The following PLEKHA5 variants were observed in gnomAD, a reference collection of about 807,000 sequenced individuals.
PLEKHA5 encodes pleckstrin homology domain containing A5, also known as pleckstrin homology domain-containing family A member 5.
A neutral mutation model predicts 181.9 loss-of-function variants in PLEKHA5; 55 were observed. That is an observed-to-expected ratio of 0.30 (90% CI 0.24 to 0.38). The LOEUF (loss-of-function observed/expected upper bound fraction) is 0.38, where lower values mean the gene tolerates loss of function less well. Among genes scored for constraint, PLEKHA5 ranks in the 10% least tolerant of loss-of-function variants. The pLI is 1.00. For synonymous variants in PLEKHA5, 535 were observed against 529.4 expected (o/e 1.01, Z -0.15); for missense variants, 1,432 against 1,549.5 (o/e 0.92, Z 1.27).
intron 3 of PLEKHA5, among the ~76,000 whole-genome samples, chr12:19,210,332 A>G (rs2056653532): frequency 1.3e-5 from 2 of 152,240 alleles, no homozygotes; most frequent in Admixed American, 6.5e-5. Flanking sequence ...TAAGTTCAAA[A>G]TCTACTTTGT....
At chr12:19,321,897 A>G (rs2090971699) in intron 18 of PLEKHA5, among the ~76,000 whole-genome samples, 1 of 152,256 alleles carries the variant, frequency 6.6e-6, no homozygotes, top group South Asian at 2.1e-4. Context: ...ATTTTATTAG[A>G]ATACTTTCTT....
chr12:19,155,410 G>A (rs910926565), intron 3 of PLEKHA5, among the ~76,000 whole-genome samples: 1 of 152,060 alleles, frequency 6.6e-6, no homozygotes, highest in Non-Finnish European at 1.5e-5. Context: ...ATTAAGTCCC[G>A]AAACCTTGTT....
intron 11 of PLEKHA5, among the ~76,000 whole-genome samples, chr12:19,280,357 A>G (rs2075783404): frequency 1.3e-5 from 2 of 152,040 alleles, no homozygotes; most frequent in South Asian, 4.1e-4. Flanking sequence ...TGTAACTATA[A>G]TATATCAGTA....
intron 3 of PLEKHA5, among the ~76,000 whole-genome samples, chr12:19,183,282 T>C (rs1199696065): frequency 1.3e-5 from 2 of 152,194 alleles, no homozygotes; most frequent in African/African-American, 4.8e-5. Context: ...ATCAGCTGAC[T>C]CTGGAAAGAG....
At chr12:19,199,259 A>T (rs190181023) in intron 3 of PLEKHA5, among the ~76,000 whole-genome samples, 27 of 152,322 alleles carry the variant, frequency 1.8e-4, no homozygotes, top group African/African-American at 6.5e-4. Context: ...GAATATTTAA[A>T]AATCAAAATA....
intron 3 of PLEKHA5, among the ~76,000 whole-genome samples, chr12:19,233,075 GATA>G (rs1210321952): frequency 6.7e-6 from 1 of 149,976 alleles, no homozygotes; most frequent in Non-Finnish European, 1.5e-5. Flanking sequence ...TTTAGCAGAA[GATA>G]ATGAGGATAT....
At chr12:19,324,506 A>G (rs1297763927) in intron 20 of PLEKHA5, among the ~76,000 whole-genome samples, 1 of 152,188 alleles carries the variant, frequency 6.6e-6, no homozygotes. Flanking sequence ...TAAATAATAT[A>G]CCTAAAACTC....
At chr12:19,341,990 C>G (rs546322604) in intron 21 of PLEKHA5, among the ~76,000 whole-genome samples, 9 of 152,134 alleles carry the variant, frequency 5.9e-5, no homozygotes, top group South Asian at 2.1e-4. Flanking sequence ...ACTTCAGCCT[C>G]CCAAAGTGCT....
intron 10 of PLEKHA5, among the ~76,000 whole-genome samples, chr12:19,271,354 A>T (rs947197944): frequency 6.6e-6 from 1 of 151,970 alleles, no homozygotes; most frequent in African/African-American, 2.4e-5. Context: ...AAAATACAAA[A>T]ATTAGCTGGG....
intron 3 of PLEKHA5, among the ~76,000 whole-genome samples, chr12:19,197,772 C>T (rs147835152): frequency 6.1e-5 from 9 of 148,430 alleles, no homozygotes; most frequent in East Asian, 4.1e-4. Flanking sequence ...CTTTTTACAC[C>T]GTATGCCAGT....
At chr12:19,309,906 A>C (rs2085813035) in intron 15 of PLEKHA5, among the ~76,000 whole-genome samples, 1 of 152,186 alleles carries the variant, frequency 6.6e-6, no homozygotes, top group Non-Finnish European at 1.5e-5. Context: ...GTGCAGTAAA[A>C]ACAAAAGTAG....
intron 3 of PLEKHA5, among the ~76,000 whole-genome samples, chr12:19,198,621 A>G (rs1378716388): frequency 1.3e-5 from 2 of 152,208 alleles, no homozygotes; most frequent in Non-Finnish European, 2.9e-5. Context: ...TGTCTGGTAC[A>G]TAGTTAATGC....
chr12:19,327,069 T>C (rs2092230563), intron 20 of PLEKHA5, among the ~76,000 whole-genome samples: 1 of 152,226 alleles, frequency 6.6e-6, no homozygotes. Context: ...TGCTTTCTTT[T>C]GGATATACTT....
In PLEKHA5 at chr12:19,290,813, T is replaced by G; in HGVS notation, c.1983+17T>G. The G allele has an allele frequency of 2.0e-6, 3 of 1,518,314 alleles. No individual in the cohort carries two copies. Among genetic ancestry groups the G allele is most frequent in the Middle Eastern group, 1.7e-4 (1 of 5,894 alleles). 94.1% of individuals were successfully genotyped at this position (1,518,314 alleles called of 1,614,324 possible). A position where few individuals can be genotyped will look rare whatever the true frequency, so the allele number is the denominator to read the frequency against. ...AGCCCAAAGGTCAGCTATGGAGAGA[T>G]TTGTCTGTGTCGTCTGCCATCATCT... On this transcript the variant is annotated intron_variant, in intron 14 of 31. Coordinates refer to ENST00000429027, the MANE Select transcript of PLEKHA5 (RefSeq NM_001256470.2).
intron 20 of PLEKHA5, among the ~76,000 whole-genome samples, chr12:19,334,281 TTGGGCCAGTTCAG>T (rs2093141023): frequency 6.6e-6 from 1 of 152,216 alleles, no homozygotes. Flanking sequence ...ATTACAGGAC[TTGGGCCAGTTCAG>T]TGGCAGGACT....
At chr12:19,166,483 C>A (rs1162270432) in intron 3 of PLEKHA5, among the ~76,000 whole-genome samples, 1 of 152,070 alleles carries the variant, frequency 6.6e-6, no homozygotes, top group Non-Finnish European at 1.5e-5. Flanking sequence ...TCATCTTTCA[C>A]ACATTATTGA....
At chr12:19,169,082 C>A (rs1326540663) in intron 3 of PLEKHA5, among the ~76,000 whole-genome samples, 1 of 151,996 alleles carries the variant, frequency 6.6e-6, no homozygotes, top group Non-Finnish European at 1.5e-5. Flanking sequence ...TCCTAGAAAA[C>A]GTGGCATATT....
At chr12:19,168,201 G>A (rs1026085721) in intron 3 of PLEKHA5, among the ~76,000 whole-genome samples, 4 of 152,024 alleles carry the variant, frequency 2.6e-5, no homozygotes, top group Admixed American at 6.6e-5. Context: ...TTAGATAATC[G>A]GAAGGAATCA....
intron 16 of PLEKHA5, among the ~76,000 whole-genome samples, chr12:19,315,768 G>C (rs1186099799): frequency 6.6e-6 from 1 of 151,980 alleles, no homozygotes; most frequent in Admixed American, 6.6e-5. Flanking sequence ...CTAGTAAAAA[G>C]AACGACTTTG....
Sources: allele counts gnomAD v4.1 joint callset (sites outside exome capture counted in the v4.1 genomes callset), GRCh38; gene constraint gnomAD v4.1.1; transcripts MANE v1.5; gene names NCBI Gene and HGNC (gene_info 2026-07-23, HGNC 2026-07-21).